CCPG1: variants seen among roughly 807,000 people sequenced by gnomAD.
The protein encoded by CCPG1 is cell cycle progression 1.
A neutral mutation model predicts 81.3 loss-of-function variants in CCPG1; 46 were observed. The ratio of observed to expected loss-of-function variants is 0.57; its 90% confidence interval spans 0.45 to 0.72. CCPG1 has a LOEUF of 0.72. Ranked by LOEUF, CCPG1 falls within the 30% of genes least tolerant of loss-of-function variation. CCPG1 has a pLI of 0.00. For missense variants in CCPG1, 902 were observed against 937.6 expected, an observed-to-expected ratio of 0.96 and a Z score of 0.50; for synonymous variants, 330 against 305.2, an observed-to-expected ratio of 1.08 and a Z score of -0.85.
rs374271648 is a variant in CCPG1, at chr15:55,377,085, A to T, written c.318T>A (p.Ile106=). Residue 106 remains isoleucine, a synonymous_variant, in exon 5 of 9, where the codon ATT becomes ATA. Coordinates refer to ENST00000442196, the MANE Select transcript of CCPG1 (RefSeq NM_001204450.2). ...YIGTASDDSD[I]VTLEPPKLEE... Reference sequence around the variant, plus strand: ...CTAACTTAGGTGGCTCAAGGGTAACAATATCAGAATCATCACTGGCAGTTC... The same window carrying T: ...CTAACTTAGGTGGCTCAAGGGTAACTATATCAGAATCATCACTGGCAGTTC... 18 of 1,613,694 alleles carry T rather than the reference A, an allele frequency of 1.1e-5. No individual in the cohort carries two copies. The highest frequency in any genetic ancestry group is 1.7e-5 in the Admixed American group (1 of 60,000).
At chr15:55,400,574 AAAACAAAC>A (rs1249790747) in intron 1 of CCPG1, among the ~76,000 whole-genome samples, 1 of 131,976 alleles carries the variant, frequency 7.6e-6, no homozygotes, top group Non-Finnish European at 1.8e-5. Flanking sequence ...AAAACAAAAC[AAAACAAAC>A]AAAAAAAATT....
intron 2 of CCPG1, among the ~76,000 whole-genome samples, chr15:55,386,973 T>C (rs1327561372): frequency 1.3e-5 from 2 of 151,904 alleles, no homozygotes; most frequent in Admixed American, 6.6e-5. Context: ...ACTCCGAGGT[T>C]GTCTATAGTG....
chr15:55,371,781 T>G lies in CCPG1; in HGVS notation c.706+12A>C, dbSNP rs368582801. 28 of 1,611,582 alleles carry G rather than the reference T, an allele frequency of 1.7e-5. No homozygotes were observed. Among genetic ancestry groups the G allele is most frequent in the Non-Finnish European group, 2.2e-5 (26 of 1,178,036 alleles). ...CCATCAGGTTATGTATAACACATTT[T>G]TGAGTACTTACCATAGAAATGGCCA... On this transcript the variant is annotated intron_variant, in intron 6 of 8. Transcript: ENST00000442196.
rs572224866 is a variant in CCPG1, at chr15:55,365,304, T to A, written c.712A>T (p.Ile238Phe). ...SMGFGHFYGT[I>F]QIQKRQQLVR... ...AACTGTTGACGCTTCTGAATCTGAA[T>A]TGTGCCTAAAATAAATATTTTTATT... Residue 238 changes from isoleucine (I) to phenylalanine (F), a missense_variant, in exon 7 of 9, where the codon ATT (isoleucine) becomes TTT (phenylalanine). By Grantham distance (21) the Ile-to-Phe change is conservative. This residue lies in a region of CCPG1 where 746 missense variants were observed against 728.6 expected (regional missense o/e 1.02). Transcript: ENST00000442196. The A allele has an allele frequency of 1.3e-6, 2 of 1,517,942 alleles. No homozygotes were observed. Among genetic ancestry groups the A allele is most frequent in the African/African-American group, 2.8e-5 (2 of 71,796 alleles). The allele number at this position is 1,517,942 out of a possible 1,614,324, so 94.0% of individuals were successfully genotyped here.
chr15:55,365,429 T>TTG, intron 6 of CCPG1, 120 bp from the exon 7 acceptor site: 1 of 639,450 alleles, frequency 1.6e-6, no homozygotes, highest in Non-Finnish European at 2.6e-6. Context: ...GTTTTTTTTT[T>TTG]TTGTTTTTTT....
intron 3 of CCPG1, 27 bp downstream of exon 3, chr15:55,385,573 A>T: frequency 7.8e-7 from 1 of 1,276,708 alleles, no homozygotes; most frequent in East Asian, 2.3e-5. Context: ...ATATTAAAAA[A>T]AAAATTAGAA....
rs1382192806 is a variant in CCPG1 at position 55,378,366 on chromosome 15, T to C, written c.186A>G (p.Gln62=). ...TTTCTTCCATAAGCACTGTGCCATTTTGGCTGCTTTCTGATATAAAGCAAA... is the reference window on the plus strand; with the variant it reads ...TTTCTTCCATAAGCACTGTGCCATTCTGGCTGCTTTCTGATATAAAGCAAA... ...ALQIEQGESS[Q]NGTVLMEETA... is the part of the protein sequence containing the mutation. The change falls in exon 4 of 9, where the codon CAA becomes CAG. Residue 62 remains glutamine, a synonymous_variant. Transcript: ENST00000442196. 6 of 1,607,006 alleles carry C rather than the reference T, an allele frequency of 3.7e-6. No individual in the cohort carries two copies. The highest frequency in any genetic ancestry group is 2.2e-5 in the East Asian group (1 of 44,772).
At chr15:55,399,534 A>G (rs1367257647) in intron 1 of CCPG1, among the ~76,000 whole-genome samples, 1 of 152,022 alleles carries the variant, frequency 6.6e-6, no homozygotes, top group East Asian at 1.9e-4. Context: ...GATTAAAGTG[A>G]GCCAAGATTG....
chr15:55,358,752 T>A (rs2056132202), intron 8 of CCPG1: 1 of 985,306 alleles, frequency 1.0e-6, no homozygotes. Context: ...CAAAAATTTT[T>A]CACTTGTCTC....
At chr15:55,358,435 A>G in intron 8 of CCPG1, 1 of 985,464 alleles carries the variant, frequency 1.0e-6, no homozygotes, top group African/African-American at 1.7e-5. Flanking sequence ...TCCATGTCCT[A>G]CAGGACAAAA....
intron 6 of CCPG1, among the ~76,000 whole-genome samples, chr15:55,367,568 A>T (rs1432398146): frequency 6.6e-6 from 1 of 151,856 alleles, no homozygotes; most frequent in Non-Finnish European, 1.5e-5. Context: ...CTAACTTCTC[A>T]TCAGAGCTTC....
In CCPG1 at chr15:55,403,748, C is replaced by T. The variant is rs138312460; in HGVS notation, c.-10+4473G>A. On this transcript the variant is annotated intron_variant, in intron 1 of 8. Coordinates refer to ENST00000442196, the MANE Select transcript of CCPG1 (RefSeq NM_001204450.2). ...TTTGTGAAAATGTAATCCTTTATCACTTACAATACTGCAACTTCCTCATCT... is the reference window on the plus strand; with the variant it reads ...TTTGTGAAAATGTAATCCTTTATCATTTACAATACTGCAACTTCCTCATCT... Among the ~76,000 whole-genome samples, 270 of 152,298 alleles carry T rather than the reference C, an allele frequency of 1.8e-3. 1 individual carries two copies. Among genetic ancestry groups the T allele is most frequent in the African/African-American group, 6.2e-3 (258 of 41,564 alleles).
At chr15:55,407,045 CCCCG>C (rs1555411250) in intron 1 of CCPG1, among the ~76,000 whole-genome samples, 3 of 133,676 alleles carry the variant, frequency 2.2e-5, no homozygotes, top group Non-Finnish European at 4.6e-5. Context: ...AGACCCCCCC[CCCCG>C]CCCCGCCGTC....
At chr15:55,396,722 C>T (rs1308784091) in intron 1 of CCPG1, among the ~76,000 whole-genome samples, 1 of 152,146 alleles carries the variant, frequency 6.6e-6, no homozygotes, top group African/African-American at 2.4e-5. Flanking sequence ...AAACGATGGT[C>T]AGGGCAAGCT....
At chr15:55,365,593 T>A (rs1032681794) in intron 6 of CCPG1, among the ~76,000 whole-genome samples, 1 of 151,626 alleles carries the variant, frequency 6.6e-6, no homozygotes. Context: ...ACTAATTTTT[T>A]ATAGAGACAG....
chr15:55,372,126 C>T, intron 5 of CCPG1, 82 bp from the exon 6 acceptor site: 1 of 1,310,594 alleles, frequency 7.6e-7, no homozygotes, highest in Non-Finnish European at 1.1e-6. Flanking sequence ...ATAATCAATG[C>T]CATCCCTTAC....
At chr15:55,404,101 C>T (rs1462970594) in intron 1 of CCPG1, among the ~76,000 whole-genome samples, 1 of 151,956 alleles carries the variant, frequency 6.6e-6, no homozygotes, top group African/African-American at 2.4e-5. Context: ...CATATTGAGC[C>T]AACTCAGTAC....
At chr15:55,397,979 G>GA (rs869085852) in intron 1 of CCPG1, among the ~76,000 whole-genome samples, 1 of 10,482 alleles carries the variant, frequency 9.5e-5, no homozygotes, top group Non-Finnish European at 2.8e-4. Context: ...TCCATCTCAA[G>GA]AAAAAAAAAG....
Position 55,391,629 on chromosome 15 carries a change from T to G in CCPG1, c.-9-2196A>C, listed in dbSNP as rs188390424. Among the ~76,000 whole-genome samples the G allele has an allele frequency of 2.1e-3, 322 of 152,096 alleles. 1 individual carries two copies. The highest frequency in any genetic ancestry group is 7.6e-3 in the African/African-American group (316 of 41,488). On this transcript the variant is annotated intron_variant, in intron 1 of 8. Transcript: ENST00000442196. Reference sequence around the variant, plus strand: ...AATCTCTATAAATGAGGCTGCAAATTTGATAGCATTTTTTAAAGTAAATTA... The same window carrying G: ...AATCTCTATAAATGAGGCTGCAAATGTGATAGCATTTTTTAAAGTAAATTA...
Sources: gnomAD v4.1 joint callset for allele counts (sites outside exome capture counted in the v4.1 genomes callset) on GRCh38, gnomAD v4.1.1 for gene constraint, gnomAD v4.1.1 regional missense constraint, MANE v1.5 for transcripts, NCBI Gene and HGNC (gene_info 2026-07-23, HGNC 2026-07-21) for gene names.